CCDC85C: variants seen among roughly 807,000 people sequenced by gnomAD.
The protein encoded by CCDC85C is coiled-coil domain-containing protein 85C.
Under a neutral mutation model 38.3 loss-of-function variants are expected in CCDC85C, and 18 were observed. The observed-to-expected ratio is 0.47, with a 90% CI of 0.33 to 0.70. The LOEUF (loss-of-function observed/expected upper bound fraction) is 0.70, where lower values mean the gene tolerates loss of function less well. Ranked by LOEUF, CCDC85C falls within the 30% of genes least tolerant of loss-of-function variation. The pLI, the probability that CCDC85C is intolerant of heterozygous loss-of-function variation, is 0.03. For synonymous variants in CCDC85C, 264 were observed against 293.8 expected, an observed-to-expected ratio of 0.90 and a Z score of 1.04; for missense variants, 566 against 621.2, an observed-to-expected ratio of 0.91 and a Z score of 0.94.
At chr14:99,574,828 G>A (rs1326195105) in intron 1 of CCDC85C, among the ~76,000 whole-genome samples, 5 of 152,174 alleles carry the variant, frequency 3.3e-5, no homozygotes, top group Non-Finnish European at 5.9e-5. Flanking sequence ...CTGGTGGATG[G>A]CCTGCAGGGG....
chr14:99,537,556 C>G (rs542469678), intron 1 of CCDC85C, among the ~76,000 whole-genome samples: 4 of 152,148 alleles, frequency 2.6e-5, no homozygotes, highest in African/African-American at 7.2e-5. Context: ...CCGGCCCGGC[C>G]GCACTCACTG....
At position 99,518,646 on chromosome 14, in the gene CCDC85C, C is replaced by A. The variant is rs535281516; in HGVS notation, c.976-1463G>T. On this transcript the variant is annotated intron_variant, in intron 3 of 5. Coordinates refer to ENST00000380243, the MANE Select transcript of CCDC85C (RefSeq NM_001144995.2). ...GCCCTGGGAGACCTGGGCACCTACA[C>A]CTTCCTGCACCTTCCGCTGCAGAAC... 3.9e-5 allele frequency among the ~76,000 whole-genome samples: 6 copies of A among 152,318 alleles called. No individual in the cohort carries two copies. In the Middle Eastern group the frequency reaches 0.01, roughly 259 times the overall value.
chr14:99,598,805 T>C (rs2055170079), intron 1 of CCDC85C, among the ~76,000 whole-genome samples: 1 of 152,112 alleles, frequency 6.6e-6, no homozygotes, highest in African/African-American at 2.4e-5. Context: ...GATGCTAAGG[T>C]CTCCCTCCTG....
rs1467777745 is a variant in CCDC85C, at chr14:99,516,241, A to G, written c.1117T>C (p.Cys373Arg). The G allele has an allele frequency of 1.3e-6, 2 of 1,551,102 alleles. No individual in the cohort carries two copies. Among genetic ancestry groups the G allele is most frequent in the African/African-American group, 1.4e-5 (1 of 73,004 alleles). ...TCCTTCTCACTCAGGTCCTCCTCAC[A>G]GCTGTCCTGGAGCTGCCGGTCCAGA... Reference protein sequence around the residue: ...ENLDRQLQDSCEEDLSEKEKA... With the variant: ...ENLDRQLQDSREEDLSEKEKA... The change falls in exon 5 of 6, where the codon TGT becomes CGT. Residue 373 changes from cysteine (C) to arginine (R), a missense_variant. Coordinates refer to ENST00000380243, the MANE Select transcript of CCDC85C (RefSeq NM_001144995.2). The surrounding 1 kb of genome is among the most constrained non-coding windows in gnomAD (Gnocchi z 5.5).
At chr14:99,601,921 C>T (rs2139998342) in intron 1 of CCDC85C, among the ~76,000 whole-genome samples, 1 of 151,212 alleles carries the variant, frequency 6.6e-6, no homozygotes, top group East Asian at 1.9e-4. Flanking sequence ...CCCACCCCAG[C>T]CCCCACCCCA....
chr14:99,518,423 G>C (rs1168117500), intron 3 of CCDC85C, among the ~76,000 whole-genome samples: 2 of 152,176 alleles, frequency 1.3e-5, no homozygotes, highest in African/African-American at 4.8e-5. Context: ...CTCAACCCAC[G>C]CTGAGCCTCG....
rs1897043007 is a variant in CCDC85C, at chr14:99,508,926, A to G, written c.*6320T>C. The G allele has an allele frequency of 1.3e-5, 2 of 152,266 alleles. No individual in the cohort carries two copies. Among genetic ancestry groups the G allele is most frequent in the Admixed American group, 6.5e-5 (1 of 15,288 alleles). The allele number at this position is 152,266 out of a possible 1,614,324, so 9.4% of individuals were successfully genotyped here. On this transcript the variant is annotated 3_prime_UTR_variant, in exon 6 of 6. Transcript: ENST00000380243. Reference sequence around the variant, plus strand: ...TGCACCTCTTTTTTAGTCAGCTCCTAGAACCACAGGGCATCTGGCCCTGAC... The same window carrying G: ...TGCACCTCTTTTTTAGTCAGCTCCTGGAACCACAGGGCATCTGGCCCTGAC...
Position 99,516,844 on chromosome 14 carries a change from C to T in CCDC85C, c.1071+244G>A, listed in dbSNP as rs969050982. ...GCCTTAGTTGGGTGCCTGCCCTCCC[C>T]GACCCCAGGCCTCAGTCTTGTTAGG... On this transcript the variant is annotated intron_variant, in intron 4 of 5. Transcript: ENST00000380243. The surrounding 1 kb of genome is among the most constrained non-coding windows in gnomAD (Gnocchi z 5.5). 2.0e-5 allele frequency among the ~76,000 whole-genome samples: 3 copies of T among 152,098 alleles called. No homozygotes were observed. Among genetic ancestry groups the T allele is most frequent in the Non-Finnish European group, 4.4e-5 (3 of 68,018 alleles).
intron 2 of CCDC85C, among the ~76,000 whole-genome samples, chr14:99,525,257 T>A (rs960977736): frequency 6.6e-6 from 1 of 152,168 alleles, no homozygotes; most frequent in East Asian, 1.9e-4. Flanking sequence ...GCCTCTGCAG[T>A]GCGGCCCAGC....
chr14:99,510,003 C>A lies in CCDC85C; in HGVS notation c.*5243G>T. The A allele has an allele frequency of 1.4e-6, 1 of 703,708 alleles. No homozygotes were observed. Among genetic ancestry groups the A allele is most frequent in the Non-Finnish European group, 2.3e-6 (1 of 431,128 alleles). The allele number at this position is 703,708 out of a possible 1,614,324, so 43.6% of individuals were successfully genotyped here. A position where few individuals can be genotyped will look rare whatever the true frequency, so the allele number is the denominator to read the frequency against. On this transcript the variant is annotated 3_prime_UTR_variant, in exon 6 of 6. Transcript: ENST00000380243. ...ATGGTGGGGAGACATCTGGTGGCAT[C>A]AGGACATGGGGCATGGGCCCATGCG...
intron 2 of CCDC85C, among the ~76,000 whole-genome samples, chr14:99,523,149 G>A (rs1897325364): frequency 6.6e-6 from 1 of 152,206 alleles, no homozygotes; most frequent in Non-Finnish European, 1.5e-5. Context: ...TAAATCAGCA[G>A]GCTGTTGAGT....
chr14:99,546,505 G>A (rs530670421), intron 1 of CCDC85C, among the ~76,000 whole-genome samples: 1 of 152,212 alleles, frequency 6.6e-6, no homozygotes, highest in African/African-American at 2.4e-5. Context: ...GAAAGAGGGG[G>A]CTCTGGGCGG....
chr14:99,587,318 ACT>A (rs1313073210), intron 1 of CCDC85C, among the ~76,000 whole-genome samples: 1 of 152,226 alleles, frequency 6.6e-6, no homozygotes, highest in African/African-American at 2.4e-5. Context: ...AGGGCAATTA[ACT>A]GTCTACTAAA....
At chr14:99,561,770 T>C (rs980652974) in intron 1 of CCDC85C, among the ~76,000 whole-genome samples, 5 of 152,018 alleles carry the variant, frequency 3.3e-5, no homozygotes, top group Admixed American at 1.3e-4. Flanking sequence ...TGGGTAAATG[T>C]GGGAAGGGGG....
chr14:99,516,246 T>C lies in CCDC85C; in HGVS notation c.1112A>G (p.Asp371Gly), dbSNP rs1897223066. ...VHENLDRQLQ[D>G]SCEEDLSEKE... ...CTCACTCAGGTCCTCCTCACAGCTGTCCTGGAGCTGCCGGTCCAGATTCTC... is the reference window on the plus strand; with the variant it reads ...CTCACTCAGGTCCTCCTCACAGCTGCCCTGGAGCTGCCGGTCCAGATTCTC... The change falls in exon 5 of 6, where the codon GAC (aspartate) becomes GGC (glycine). Residue 371 changes from aspartate to glycine, a missense_variant. By Grantham distance (94) the Asp-to-Gly change is moderately conservative. Around this residue, in one of 3 missense-constraint regions of CCDC85C, gnomAD observed 286 missense variants for 276.4 expected, o/e 1.03. Coordinates refer to ENST00000380243, the MANE Select transcript of CCDC85C (RefSeq NM_001144995.2). This position sits in a 1 kb window ranked among gnomAD's most constrained non-coding sequence, Gnocchi z 5.5. 6.4e-7 allele frequency: 1 copy of C among 1,551,120 alleles called. No homozygotes were observed. The highest frequency in any genetic ancestry group is 1.4e-5 in the African/African-American group (1 of 73,124).
intron 1 of CCDC85C, among the ~76,000 whole-genome samples, chr14:99,539,435 A>C (rs151074633): frequency 0.01 from 1,449 of 144,724 alleles, 64 homozygotes; most frequent in Admixed American, 0.064. Flanking sequence ...ACACAACTGC[A>C]CTCCAGCCTG....
rs374603739 is a variant in CCDC85C, at chr14:99,502,366, C to T, written c.*12880G>A. ...AGTTTGTTCAAGATGTCCCGGTCGACGTTTTGGAAGGTACCAGGCATGCTA... is the reference window on the plus strand; with the variant it reads ...AGTTTGTTCAAGATGTCCCGGTCGATGTTTTGGAAGGTACCAGGCATGCTA... On this transcript the variant is annotated 3_prime_UTR_variant, in exon 6 of 6. Transcript: ENST00000380243. 135 of 1,613,394 alleles carry T rather than the reference C, an allele frequency of 8.4e-5. 2 individuals are homozygous for T. In the African/African-American group the frequency reaches 1.4e-3, roughly 17 times the overall value.
intron 2 of CCDC85C, among the ~76,000 whole-genome samples, chr14:99,527,653 C>A (rs978876302): frequency 1.3e-5 from 2 of 152,206 alleles, no homozygotes; most frequent in Non-Finnish European, 2.9e-5. Context: ...CATGCTGACC[C>A]TCAGAACTGT....
At chr14:99,590,966 G>A (rs539714257) in intron 1 of CCDC85C, among the ~76,000 whole-genome samples, 3 of 152,334 alleles carry the variant, frequency 2.0e-5, no homozygotes, top group Admixed American at 6.5e-5. Context: ...AGTAATGGCC[G>A]GCAGCTGGAC....
Sources: allele counts gnomAD v4.1 joint callset (sites outside exome capture counted in the v4.1 genomes callset), GRCh38; gene constraint gnomAD v4.1.1; regional missense constraint gnomAD v4.1.1; non-coding constraint Gnocchi (gnomAD v3.1); transcripts MANE v1.5; gene names NCBI Gene and HGNC (gene_info 2026-07-23, HGNC 2026-07-21).